The following DCUN1D3 variants were observed in gnomAD, a reference collection of about 807,000 sequenced individuals.
DCUN1D3 encodes the protein defective in cullin neddylation 1 domain containing 3, also known as DCN1-like protein 3.
Under a neutral mutation model 24.8 loss-of-function variants are expected in DCUN1D3, and 6 were observed. The ratio of observed to expected loss-of-function variants is 0.24; its 90% confidence interval spans 0.13 to 0.48. DCUN1D3 has a LOEUF of 0.48. Ranked by LOEUF, DCUN1D3 falls within the 20% of genes least tolerant of loss-of-function variation. The pLI is 0.99. For synonymous variants in DCUN1D3, 120 were observed against 144.9 expected (o/e 0.83, Z 1.24); for missense variants, 258 against 379.4 (o/e 0.68, Z 2.66).
chr16:20,875,223 C>T (rs1443402374), intron 1 of DCUN1D3, among the ~76,000 whole-genome samples: 1 of 126,864 alleles, frequency 7.9e-6, no homozygotes, highest in African/African-American at 3.1e-5. Flanking sequence ...CACACACACA[C>T]ACACACACAC....
chr16:20,870,180 C>T (rs921926463), intron 1 of DCUN1D3, among the ~76,000 whole-genome samples: 2 of 152,202 alleles, frequency 1.3e-5, no homozygotes, highest in Non-Finnish European at 2.9e-5. Context: ...TCTGGGACTA[C>T]TTCACCTTTT....
intron 1 of DCUN1D3, among the ~76,000 whole-genome samples, chr16:20,891,760 C>T (rs1326503557): frequency 6.6e-6 from 1 of 152,206 alleles, no homozygotes; most frequent in Non-Finnish European, 1.5e-5. Context: ...GTGCTCATCC[C>T]TCTTAGGCAG....
At chr16:20,891,086 A>G (rs1294907684) in intron 1 of DCUN1D3, among the ~76,000 whole-genome samples, 2 of 151,682 alleles carry the variant, frequency 1.3e-5, no homozygotes, top group African/African-American at 4.9e-5. Flanking sequence ...CTCTGCCACC[A>G]GGGTTCAAGC....
intron 1 of DCUN1D3, among the ~76,000 whole-genome samples, chr16:20,870,416 G>A (rs2081782464): frequency 6.6e-6 from 1 of 152,166 alleles, no homozygotes. Context: ...ATCTTAGTTT[G>A]ATCTCTGGAG....
chr16:20,897,637 TAC>T (rs2081921985), intron 1 of DCUN1D3, among the ~76,000 whole-genome samples: 1 of 152,192 alleles, frequency 6.6e-6, no homozygotes, highest in African/African-American at 2.4e-5. Flanking sequence ...CTTAAATTCA[TAC>T]AGAGCTGGAA....
At chr16:20,863,337 C>T (rs1032818840) in intron 1 of DCUN1D3, among the ~76,000 whole-genome samples, 2 of 152,194 alleles carry the variant, frequency 1.3e-5, no homozygotes, top group Non-Finnish European at 2.9e-5. Context: ...TCTTCTCCCC[C>T]AGGTCCTCAG....
In DCUN1D3 at chr16:20,856,548, T is replaced by A. The variant is rs2081703703; in HGVS notation, c.*3338A>T. 6.6e-6 allele frequency: 1 copy of A among 152,104 alleles called. No homozygotes were observed. Among genetic ancestry groups the A allele is most frequent in the Non-Finnish European group, 1.5e-5 (1 of 68,014 alleles). The allele number at this position is 152,104 out of a possible 1,614,324, so 9.4% of individuals were successfully genotyped here. On this transcript the variant is annotated 3_prime_UTR_variant, in exon 3 of 3. Transcript: ENST00000324344. ...TATTTTCCTGGGCCCAGGGGTTTGG[T>A]TAAAATTTAGATCTTCACCCAGCTC...
At chr16:20,886,882 T>A (rs1380901352) in intron 1 of DCUN1D3, among the ~76,000 whole-genome samples, 1 of 152,250 alleles carries the variant, frequency 6.6e-6, no homozygotes, top group African/African-American at 2.4e-5. Flanking sequence ...AGAATTGCAA[T>A]ACAGCCAGTT....
chr16:20,865,881 AGTT>A (rs1351216778), intron 1 of DCUN1D3, among the ~76,000 whole-genome samples: 1 of 152,182 alleles, frequency 6.6e-6, no homozygotes, highest in Non-Finnish European at 1.5e-5. Flanking sequence ...TCATTCCTGT[AGTT>A]ATTAGAGATT....
Position 20,890,758 on chromosome 16 carries a change from G to A in DCUN1D3, c.-106+9446C>T, listed in dbSNP as rs931280875. ...ATATAATTAATCACCTCATTAAGAG[G>A]TCCACACTAAAACTAACCATTCTGA... On this transcript the variant is annotated intron_variant, in intron 1 of 2. Transcript: ENST00000324344. 2.6e-5 allele frequency among the ~76,000 whole-genome samples: 4 copies of A among 152,116 alleles called. No individual in the cohort carries two copies. The South Asian group carries it at 8.3e-4, about 32-fold the overall frequency.
Position 20,857,380 on chromosome 16 carries a change from A to G in DCUN1D3, c.*2506T>C, listed in dbSNP as rs1336290387. On this transcript the variant is annotated 3_prime_UTR_variant, in exon 3 of 3. Coordinates refer to ENST00000324344, the MANE Select transcript of DCUN1D3 (RefSeq NM_173475.4). ...CAACAAAATACATCCACTCTAGTAC[A>G]TCTAATGCACGGAATGTCTTCTTAA... is the stretch of plus-strand genomic sequence containing the variant. 1 of 152,242 alleles carries G rather than the reference A, an allele frequency of 6.6e-6. No individual in the cohort carries two copies. The highest frequency in any genetic ancestry group is 2.4e-5 in the African/African-American group (1 of 41,454). 9.4% of individuals were successfully genotyped at this position (152,242 alleles called of 1,614,324 possible).
In DCUN1D3 at chr16:20,859,726, A is replaced by G. The variant is rs1229274527; in HGVS notation, c.*160T>C. On this transcript the variant is annotated 3_prime_UTR_variant, in exon 3 of 3. Transcript: ENST00000324344. ...AACCAAAAAAATGAAGAAAGTGCCTAAAACATGATACAGCATTTTAGAGCC... is the reference window on the plus strand; with the variant it reads ...AACCAAAAAAATGAAGAAAGTGCCTGAAACATGATACAGCATTTTAGAGCC... 2.0e-6 allele frequency: 2 copies of G among 1,007,244 alleles called. No homozygotes were observed. Among genetic ancestry groups the G allele is most frequent in the Non-Finnish European group, 2.7e-6 (2 of 729,928 alleles). The allele number at this position is 1,007,244 out of a possible 1,614,324, so 62.4% of individuals were successfully genotyped here.
At chr16:20,876,513 A>G (rs1465330005) in intron 1 of DCUN1D3, among the ~76,000 whole-genome samples, 1 of 152,188 alleles carries the variant, frequency 6.6e-6, no homozygotes, top group African/African-American at 2.4e-5. Flanking sequence ...GGAAATGTTA[A>G]TGAGTATAGC....
At chr16:20,889,981 G>A (rs547364771) in intron 1 of DCUN1D3, among the ~76,000 whole-genome samples, 5 of 152,144 alleles carry the variant, frequency 3.3e-5, no homozygotes, top group Admixed American at 2.6e-4. Context: ...TCAGAACTCC[G>A]AAACAATGAG....
intron 1 of DCUN1D3, among the ~76,000 whole-genome samples, chr16:20,893,045 G>T (rs946676023): frequency 6.6e-6 from 1 of 152,142 alleles, no homozygotes; most frequent in Non-Finnish European, 1.5e-5. Context: ...AAACTTTATC[G>T]GGTGCCTACA....
intron 1 of DCUN1D3, among the ~76,000 whole-genome samples, chr16:20,891,676 C>T (rs768058934): frequency 6.6e-5 from 10 of 152,162 alleles, no homozygotes; most frequent in Admixed American, 2.0e-4. Context: ...TAGCCTGGAC[C>T]AGGGATAACT....
chr16:20,869,091 G>C (rs1187863204), intron 1 of DCUN1D3: 1 of 152,702 alleles, frequency 6.5e-6, no homozygotes, highest in Non-Finnish European at 1.5e-5. Flanking sequence ...CCTGGTCCTA[G>C]GCCTGGAGCG....
intron 1 of DCUN1D3, among the ~76,000 whole-genome samples, chr16:20,884,150 T>C (rs139872128): frequency 5.3e-5 from 8 of 152,326 alleles, no homozygotes; most frequent in African/African-American, 1.4e-4. Flanking sequence ...TTTTTAAATG[T>C]GTGGTCTCGA....
At chr16:20,889,850 G>A (rs2081883924) in intron 1 of DCUN1D3, among the ~76,000 whole-genome samples, 1 of 152,144 alleles carries the variant, frequency 6.6e-6, no homozygotes, top group Non-Finnish European at 1.5e-5. Flanking sequence ...AAACCAGAAA[G>A]ACCAAGCACA....
Sources: allele counts gnomAD v4.1 joint callset (sites outside exome capture counted in the v4.1 genomes callset), GRCh38; gene constraint gnomAD v4.1.1; transcripts MANE v1.5; gene names NCBI Gene and HGNC (gene_info 2026-07-23, HGNC 2026-07-21).